The following PCDHGA1 variants were observed in gnomAD, a reference collection of about 807,000 sequenced individuals.
PCDHGA1 encodes the protein protocadherin gamma-A1.
In PCDHGA1, 32 loss-of-function variants were observed where a neutral mutation model predicts 58.0. The ratio of observed to expected loss-of-function variants is 0.55; its 90% CI spans 0.42 to 0.74. The LOEUF is 0.74. PCDHGA1 is among the 30% of genes least tolerant of loss of function. PCDHGA1 has a pLI of 0.00. For missense variants in PCDHGA1, 1,205 were observed against 1,182.3 expected (o/e 1.02, Z -0.28); for synonymous variants, 498 against 501.1 (o/e 0.99, Z 0.08).
Position 141,486,000 on chromosome 5 carries a change from A to G in PCDHGA1, c.2422-8807A>G. 1 of 1,614,194 alleles carries G rather than the reference A, an allele frequency of 6.2e-7. No individual in the cohort carries two copies. Among genetic ancestry groups the G allele is most frequent in the Non-Finnish European group, 8.5e-7 (1 of 1,180,034 alleles). On this transcript the variant is annotated intron_variant, in intron 1 of 3. Transcript: ENST00000517417. The surrounding 1 kb of genome is among the most constrained non-coding windows in gnomAD (Gnocchi z 5.7). ...GACCCGGACCTGGGTCCCAGTGGTA[A>G]CGTCACCTTTTATTTCAGTGGTCAT...
At chr5:141,359,042 CTG>C (rs1761096512) in intron 1 of PCDHGA1, among the ~76,000 whole-genome samples, 1 of 152,190 alleles carries the variant, frequency 6.6e-6, no homozygotes, top group Admixed American at 6.5e-5. Flanking sequence ...TAGTGATAGA[CTG>C]TGGAATATGC....
intron 1 of PCDHGA1, chr5:141,416,991 T>A (rs1052950610): frequency 2.0e-5 from 3 of 151,906 alleles, no homozygotes; most frequent in Non-Finnish European, 4.4e-5. Context: ...TTATTGTGCA[T>A]TCATCTCAAA....
rs755978864 is a variant in PCDHGA1 at position 141,352,146 on chromosome 5, G to A, written c.2421+19041G>A. 1.7e-5 allele frequency: 27 copies of A among 1,612,154 alleles called. No homozygotes were observed. The highest frequency in any genetic ancestry group is 1.0e-4 in the Admixed American group (6 of 59,926). ...GAGGTGCGCACAGCGCGTGCCTTGG[G>A]CGACAGGGACGCGGCCCGCCAGCGC... On this transcript the variant is annotated intron_variant, in intron 1 of 3. Transcript: ENST00000517417.
At chr5:141,361,619 A>G in intron 1 of PCDHGA1, 4 of 1,613,920 alleles carry the variant, frequency 2.5e-6, no homozygotes, top group Non-Finnish European at 3.4e-6. Context: ...GTAGCGAGCG[A>G]CCTGAAGCCG....
At position 141,394,450 on chromosome 5, in the gene PCDHGA1, T is replaced by A. The variant is rs188283892; in HGVS notation, c.2421+61345T>A. Reference sequence around the variant, plus strand: ...GGGGACCCGCCCCTCAGCAGCAACATGTCACTGAGCCTGTTCGTGCTGGAC... The same window carrying A: ...GGGGACCCGCCCCTCAGCAGCAACAAGTCACTGAGCCTGTTCGTGCTGGAC... On this transcript the variant is annotated intron_variant, in intron 1 of 3. Transcript: ENST00000517417. 92 of 1,614,228 alleles carry A rather than the reference T, an allele frequency of 5.7e-5. No individual in the cohort carries two copies. The East Asian group carries it at 1.9e-3, about 34-fold the overall frequency.
At chr5:141,351,546 C>G (rs764015416) in intron 1 of PCDHGA1, 1 of 1,614,050 alleles carries the variant, frequency 6.2e-7, no homozygotes, top group East Asian at 2.2e-5. Flanking sequence ...CCAGCCCTTT[C>G]CTCCAGGACA....
chr5:141,369,491 AC>A lies in PCDHGA1; in HGVS notation c.2421+36390del, dbSNP rs569923210. Among the ~76,000 whole-genome samples, 212 of 152,086 alleles carry A rather than the reference AC, an allele frequency of 1.4e-3. 1 individual carries two copies. Among genetic ancestry groups the A allele is most frequent in the African/African-American group, 4.8e-3 (199 of 41,476 alleles). On this transcript the variant is annotated intron_variant, in intron 1 of 3. Coordinates refer to ENST00000517417, the MANE Select transcript of PCDHGA1 (RefSeq NM_018912.3). ...AGCCCAGCCTGGGCAACATAGTGAA[AC>A]CCCACCTCTATAGAAAAAAAAAGTT...
chr5:141,461,228 A>C (rs1472527415), intron 1 of PCDHGA1, among the ~76,000 whole-genome samples: 1 of 151,976 alleles, frequency 6.6e-6, no homozygotes, highest in Non-Finnish European at 1.5e-5. Flanking sequence ...TTTTCCATAG[A>C]GGTTGTACTA....
At chr5:141,343,808 A>G (rs1167038766) in intron 1 of PCDHGA1, 1 of 461,350 alleles carries the variant, frequency 2.2e-6, no homozygotes, top group Non-Finnish European at 3.8e-6. Flanking sequence ...AAGAAGGAGA[A>G]CGCAGCTGGA....
rs1156927948 is a variant in PCDHGA1, at chr5:141,490,342, G to A, written c.2422-4465G>A. 16 of 1,614,126 alleles carry A rather than the reference G, an allele frequency of 9.9e-6. 1 individual carries two copies. In the Admixed American group the frequency reaches 1.3e-4, roughly 13 times the overall value. ...CCTAGAGAGCACACCAGTGGGCACA[G>A]TAGTGGGGTTGTTTAATGTGCGAGA... On this transcript the variant is annotated intron_variant, in intron 1 of 3. Coordinates refer to ENST00000517417, the MANE Select transcript of PCDHGA1 (RefSeq NM_018912.3). This position sits in a 1 kb window ranked among gnomAD's most constrained non-coding sequence, Gnocchi z 5.4.
chr5:141,481,900 C>T (rs949418188), intron 1 of PCDHGA1, among the ~76,000 whole-genome samples: 13 of 126,002 alleles, frequency 1.0e-4, no homozygotes, highest in African/African-American at 3.2e-4. Flanking sequence ...GGTGAAAGAG[C>T]GAAACTCCAT....
chr5:141,358,051 G>A (rs1426073021), intron 1 of PCDHGA1, among the ~76,000 whole-genome samples: 5 of 152,130 alleles, frequency 3.3e-5, no homozygotes, highest in Non-Finnish European at 7.3e-5. Context: ...TTAGCTAGGC[G>A]TGGTGGTGTG....
rs375127524 is a variant in PCDHGA1, at chr5:141,490,702, C to G, written c.2422-4105C>G. ...AGATCCAGACACTGGGGATAATGCCCGCCTCACCTACTCCATTGTAGGAAA... is the reference window on the plus strand; with the variant it reads ...AGATCCAGACACTGGGGATAATGCCGGCCTCACCTACTCCATTGTAGGAAA... On this transcript the variant is annotated intron_variant, in intron 1 of 3. Coordinates refer to ENST00000517417, the MANE Select transcript of PCDHGA1 (RefSeq NM_018912.3). This position sits in a 1 kb window ranked among gnomAD's most constrained non-coding sequence, Gnocchi z 5.4. The G allele has an allele frequency of 1.2e-6, 2 of 1,614,060 alleles. No homozygotes were observed. Among genetic ancestry groups the G allele is most frequent in the Admixed American group, 1.7e-5 (1 of 60,008 alleles).
At chr5:141,427,059 G>C (rs751016646) in intron 1 of PCDHGA1, 1 of 457,744 alleles carries the variant, frequency 2.2e-6, no homozygotes, top group South Asian at 1.5e-5. Context: ...AGGCACCTCT[G>C]TACTAAAGGT....
At chr5:141,506,787 G>A (rs55775963) in intron 3 of PCDHGA1, among the ~76,000 whole-genome samples, 1,925 of 152,270 alleles carry the variant, frequency 0.013, 43 homozygotes, top group African/African-American at 0.044. Flanking sequence ...CTTATAAGGA[G>A]GCTGGCAGAG....
chr5:141,477,607 G>A lies in PCDHGA1; in HGVS notation c.2422-17200G>A, dbSNP rs1223703956. ...ATGCTCGGCTTTCTTTCTTTCTCTT[G>A]GAGCAAGGAGCTGAAACCGGGCTAG... is the stretch of plus-strand genomic sequence containing the variant. On this transcript the variant is annotated intron_variant, in intron 1 of 3. Coordinates refer to ENST00000517417, the MANE Select transcript of PCDHGA1 (RefSeq NM_018912.3). The surrounding 1 kb of genome is among the most constrained non-coding windows in gnomAD (Gnocchi z 4.9). 2 of 1,614,028 alleles carry A rather than the reference G, an allele frequency of 1.2e-6. No individual in the cohort carries two copies. The highest frequency in any genetic ancestry group is 3.3e-5 in the Admixed American group (2 of 60,000).
chr5:141,365,097 C>T (rs1763734709), intron 1 of PCDHGA1: 6 of 1,613,888 alleles, frequency 3.7e-6, no homozygotes, highest in East Asian at 2.2e-5. Flanking sequence ...GAGAACATAC[C>T]TGTGGGCACT....
chr5:141,422,158 G>GA (rs1401712595), intron 1 of PCDHGA1: 2 of 1,571,916 alleles, frequency 1.3e-6, no homozygotes, highest in Middle Eastern at 1.7e-4. Flanking sequence ...TCTGGATTTT[G>GA]AAAAATATAG....
At chr5:141,467,361 G>T (rs555435172) in intron 1 of PCDHGA1, among the ~76,000 whole-genome samples, 2 of 151,742 alleles carry the variant, frequency 1.3e-5, no homozygotes, top group Non-Finnish European at 2.9e-5. Flanking sequence ...CCAAATCAAC[G>T]TTTTCTTATA....
Sources: allele counts gnomAD v4.1 joint callset (sites outside exome capture counted in the v4.1 genomes callset), GRCh38; gene constraint gnomAD v4.1.1; non-coding constraint Gnocchi (gnomAD v3.1); transcripts MANE v1.5; gene names NCBI Gene and HGNC (gene_info 2026-07-23, HGNC 2026-07-21).